Variants in ARHGAP28 observed in about 807,000 individuals in gnomAD.
The protein encoded by ARHGAP28 is Rho GTPase activating protein 28, also known as rho GTPase-activating protein 28.
Under a neutral mutation model 90.7 loss-of-function variants are expected in ARHGAP28, and 56 were observed. The observed-to-expected ratio is 0.62, with a 90% CI of 0.50 to 0.77. ARHGAP28 has a LOEUF of 0.77. Ranked by LOEUF, ARHGAP28 falls within the 30% of genes least tolerant of loss-of-function variation. The pLI is 0.00. For synonymous variants in ARHGAP28, 308 were observed against 323.3 expected (o/e 0.95, Z 0.51); for missense variants, 869 against 900.9 (o/e 0.96, Z 0.45).
intron 5 of ARHGAP28, among the ~76,000 whole-genome samples, chr18:6,865,678 A>G (rs1264966717): frequency 6.6e-6 from 1 of 152,208 alleles, no homozygotes; most frequent in African/African-American, 2.4e-5. Context: ...TTTATTGAAT[A>G]TGGAGGACAT....
At chr18:6,863,968 A>G (rs900739694) in intron 5 of ARHGAP28, among the ~76,000 whole-genome samples, 4 of 151,808 alleles carry the variant, frequency 2.6e-5, no homozygotes, top group African/African-American at 9.6e-5. Context: ...TATTTTTAGT[A>G]GAGACAGGGT....
Position 6,889,870 on chromosome 18 carries a change from A to G in ARHGAP28, c.1537-18A>G, listed in dbSNP as rs371334791. On this transcript the variant is annotated intron_variant, in intron 12 of 17. Transcript: ENST00000383472. ...TTGACAGTGTACAATTGTATGACAC[A>G]ATGCTGTTTCTTCTTAGGCCCTCAT... 3.1e-6 allele frequency: 5 copies of G among 1,612,228 alleles called. No homozygotes were observed. In the African/African-American group the frequency reaches 6.7e-5, roughly 22 times the overall value.
At chr18:6,878,372 C>T (rs1329648820) in intron 10 of ARHGAP28, among the ~76,000 whole-genome samples, 1 of 149,214 alleles carries the variant, frequency 6.7e-6, no homozygotes, top group Middle Eastern at 3.2e-3. Flanking sequence ...GGAGGGATAG[C>T]ATTGGGAGAT....
At chr18:6,811,620 C>T (rs916666685) in intron 1 of ARHGAP28, among the ~76,000 whole-genome samples, 6 of 152,226 alleles carry the variant, frequency 3.9e-5, no homozygotes, top group South Asian at 2.1e-4. Flanking sequence ...TAGAAACTTT[C>T]GCTTACCTTC....
Position 6,841,188 on chromosome 18 carries a change from TCTCTCTCTCTCTCTC to T in ARHGAP28, c.543+3780_543+3794del, listed in dbSNP as rs1399690534. On this transcript the variant is annotated intron_variant, in intron 3 of 17. Transcript: ENST00000383472. ...CTCTCCTCTCTCTCTCTCCTCTCTC[TCTCTCTCTCTCTCTC>T]CTCTCCTCTCTCTCTCTCTCCCCCC... Among the ~76,000 whole-genome samples, 76 of 60,464 alleles carry T rather than the reference TCTCTCTCTCTCTCTC, an allele frequency of 1.3e-3. 1 individual carries two copies. Among genetic ancestry groups the T allele is most frequent in the African/African-American group, 2.0e-3 (21 of 10,650 alleles). 39.7% of individuals were successfully genotyped at this position (60,464 alleles called of 152,430 possible).
chr18:6,873,817 T>A (rs771378903), intron 9 of ARHGAP28, 42 bp downstream of exon 9: 8 of 1,534,088 alleles, frequency 5.2e-6, no homozygotes, highest in Non-Finnish European at 6.3e-6. Flanking sequence ...CAGAGCCTCA[T>A]GCTTATGATT....
chr18:6,808,096 T>C (rs1190508717), intron 1 of ARHGAP28, among the ~76,000 whole-genome samples: 1 of 152,110 alleles, frequency 6.6e-6, no homozygotes, highest in Non-Finnish European at 1.5e-5. Context: ...TGTTACTCCA[T>C]CTCGGCTGGA....
chr18:6,855,272 A>G (rs904985296), intron 4 of ARHGAP28, among the ~76,000 whole-genome samples: 1 of 152,172 alleles, frequency 6.6e-6, no homozygotes, highest in Admixed American at 6.5e-5. Flanking sequence ...ATGACCATTC[A>G]GTCAATTGGA....
intron 4 of ARHGAP28, among the ~76,000 whole-genome samples, chr18:6,852,355 T>C (rs1478359119): frequency 6.6e-6 from 1 of 152,238 alleles, no homozygotes; most frequent in East Asian, 1.9e-4. Context: ...TGTCAAGGTG[T>C]TGGTTTATTG....
chr18:6,797,935 C>G (rs760441177), intron 1 of ARHGAP28, among the ~76,000 whole-genome samples: 11 of 152,152 alleles, frequency 7.2e-5, no homozygotes, highest in Non-Finnish European at 1.5e-4. Context: ...GCTGGGATTA[C>G]AGGCATGAGC....
chr18:6,732,816 T>C (rs892049215), intron 1 of ARHGAP28, among the ~76,000 whole-genome samples: 4 of 152,250 alleles, frequency 2.6e-5, no homozygotes, highest in Non-Finnish European at 5.9e-5. Flanking sequence ...CTGCTTAGGA[T>C]ATTGACTAAC....
Position 6,805,479 on chromosome 18 carries a change from C to CTTTT in ARHGAP28, c.123-19263_123-19260dup, listed in dbSNP as rs756550297. On this transcript the variant is annotated intron_variant, in intron 1 of 17. Transcript: ENST00000383472. ...TTTAATCTGGTCTGATAACCTTTGC[C>CTTTT]TTTTTTTTTTTTTTTTTTTTTTTGA... 7.7e-4 allele frequency among the ~76,000 whole-genome samples: 75 copies of CTTTT among 97,560 alleles called. 1 individual carries two copies. Among genetic ancestry groups the CTTTT allele is most frequent in the African/African-American group, 1.4e-3 (32 of 22,746 alleles). 64.0% of individuals were successfully genotyped at this position (97,560 alleles called of 152,430 possible).
chr18:6,864,906 A>AT (rs1475382635), intron 5 of ARHGAP28, among the ~76,000 whole-genome samples: 1 of 151,880 alleles, frequency 6.6e-6, no homozygotes, highest in African/African-American at 2.4e-5. Context: ...GCAGAACTTT[A>AT]TTTTTTAGAG....
At chr18:6,825,797 T>A (rs1270219763) in intron 2 of ARHGAP28, among the ~76,000 whole-genome samples, 1 of 152,240 alleles carries the variant, frequency 6.6e-6, no homozygotes, top group Non-Finnish European at 1.5e-5. Context: ...CACTCTTTTT[T>A]ATGGCTGCAT....
At chr18:6,818,665 C>T (rs1207899854) in intron 1 of ARHGAP28, among the ~76,000 whole-genome samples, 1 of 152,114 alleles carries the variant, frequency 6.6e-6, no homozygotes, top group Non-Finnish European at 1.5e-5. Context: ...GTGGCATTTA[C>T]ATTGCAAGCT....
At chr18:6,845,365 T>C (rs2056858393) in intron 3 of ARHGAP28, among the ~76,000 whole-genome samples, 3 of 152,216 alleles carry the variant, frequency 2.0e-5, no homozygotes, top group African/African-American at 7.2e-5. Flanking sequence ...CCCAGATCAG[T>C]TATTTTATAA....
intron 11 of ARHGAP28, among the ~76,000 whole-genome samples, chr18:6,883,138 A>G (rs1020291386): frequency 1.3e-5 from 2 of 152,164 alleles, no homozygotes; most frequent in African/African-American, 4.8e-5. Context: ...ATCTAGAGAC[A>G]TTGACCACTG....
intron 1 of ARHGAP28, among the ~76,000 whole-genome samples, chr18:6,810,811 G>A (rs1011634313): frequency 6.6e-6 from 1 of 152,156 alleles, no homozygotes; most frequent in Non-Finnish European, 1.5e-5. Context: ...AGACAGAGGA[G>A]CCTATTCAGA....
rs369622522 is a variant in ARHGAP28 at position 6,841,208 on chromosome 18, CCT to C, written c.543+3808_543+3809del. 7.4e-3 allele frequency among the ~76,000 whole-genome samples: 320 copies of C among 43,084 alleles called. 9 individuals are homozygous for C. Among genetic ancestry groups the C allele is most frequent in the Middle Eastern group, 0.025 (2 of 80 alleles). The allele number at this position is 43,084 out of a possible 152,430, so 28.3% of individuals were successfully genotyped here. A position where few individuals can be genotyped will look rare whatever the true frequency, so the allele number is the denominator to read the frequency against. ...CTCTCTCTCTCTCTCTCTCTCCTCT[CCT>C]CTCTCTCTCTCTCCCCCCAACCCGC... is the stretch of plus-strand genomic sequence containing the variant. On this transcript the variant is annotated intron_variant, in intron 3 of 17. Coordinates refer to ENST00000383472, the MANE Select transcript of ARHGAP28 (RefSeq NM_001366230.1).
Sources: allele counts gnomAD v4.1 joint callset (sites outside exome capture counted in the v4.1 genomes callset), GRCh38; gene constraint gnomAD v4.1.1; transcripts MANE v1.5; gene names NCBI Gene and HGNC (gene_info 2026-07-23, HGNC 2026-07-21).